The following CEP250 variants were observed in gnomAD, a reference collection of about 807,000 sequenced individuals.
CEP250 encodes centrosomal protein 250.
CEP250 carries 242 observed loss-of-function variants against 315.7 expected under a neutral mutation model. That is an observed-to-expected ratio of 0.77 (90% confidence interval 0.69 to 0.85). The LOEUF is 0.85. Among genes scored for constraint, CEP250 ranks in the 40% least tolerant of loss-of-function variants. The pLI is 0.00. For synonymous variants in CEP250, 1,088 were observed against 1,175.0 expected (o/e 0.93, Z 1.51); for missense variants, 2,515 against 2,886.4 (o/e 0.87, Z 2.95).
In CEP250 at chr20:35,475,632, G is replaced by T; in HGVS notation, c.1702G>T (p.Ala568Ser). 6.2e-7 allele frequency: 1 copy of T among 1,613,706 alleles called. No homozygotes were observed. The highest frequency in any genetic ancestry group is 8.5e-7 in the Non-Finnish European group (1 of 1,179,978). Residue 568 changes from alanine to serine, a missense_variant, in exon 15 of 35, where the codon GCA (alanine) becomes TCA (serine). By Grantham distance (99) the Ala-to-Ser change is moderately conservative. Coordinates refer to ENST00000397527, the MANE Select transcript of CEP250 (RefSeq NM_007186.6). ...LLRQEQTEVT[A>S]ALARAEQSIA... ...GAGGCAAGAGCAAACGGAAGTGACC[G>T]CAGCGCTGGCTAGGGTGCGTGGCCT...
chr20:35,462,003 A>C (rs1352455262), intron 3 of CEP250, among the ~76,000 whole-genome samples: 2 of 152,218 alleles, frequency 1.3e-5, no homozygotes, highest in African/African-American at 4.8e-5. Context: ...TTCATTCAAC[A>C]AATGTTTCTG....
chr20:35,474,856 G>C (rs1222813717), intron 14 of CEP250: 2 of 470,986 alleles, frequency 4.2e-6, no homozygotes, highest in Non-Finnish European at 8.8e-6. Context: ...GCATATGGTA[G>C]GTCTTTAATA....
chr20:35,485,245 C>A (rs1415870380), intron 20 of CEP250, among the ~76,000 whole-genome samples: 3 of 151,786 alleles, frequency 2.0e-5, no homozygotes, highest in African/African-American at 7.3e-5. Flanking sequence ...TGTGGTGGCA[C>A]ATGCCTGTAG....
chr20:35,499,550 C>G (rs1030072753), intron 27 of CEP250, among the ~76,000 whole-genome samples: 8 of 152,190 alleles, frequency 5.3e-5, no homozygotes, highest in African/African-American at 1.9e-4. Context: ...GGAGAAAGAC[C>G]TGGTCTCTGC....
In CEP250 at chr20:35,518,071, T is replaced by C. The variant is rs1555859472; in HGVS notation, c.*6445T>C. The C allele has an allele frequency of 1.4e-5, 2 of 147,152 alleles. No homozygotes were observed. The highest frequency in any genetic ancestry group is 2.5e-5 in the African/African-American group (1 of 40,064). 9.1% of individuals were successfully genotyped at this position (147,152 alleles called of 1,614,324 possible). On this transcript the variant is annotated 3_prime_UTR_variant, in exon 35 of 35. Coordinates refer to ENST00000397527, the MANE Select transcript of CEP250 (RefSeq NM_007186.6). ...AAAAAAAAAAAAAAAGGAAATTAAA[T>C]AAAAAGAAGATAGCAGTTTCCCACC...
intron 20 of CEP250, among the ~76,000 whole-genome samples, chr20:35,485,352 C>T (rs4911505): frequency 2.7e-5 from 4 of 147,000 alleles, no homozygotes; most frequent in East Asian, 2.0e-4. Context: ...CCAGCCTGGG[C>T]GACAGAGTGA....
intron 16 of CEP250, 38 bp from the exon 17 acceptor site, chr20:35,477,833 C>CT: frequency 6.7e-7 from 1 of 1,497,428 alleles, no homozygotes; most frequent in African/African-American, 1.4e-5. Context: ...AACCATTTGT[C>CT]TTTGATGCTT....
intron 27 of CEP250, among the ~76,000 whole-genome samples, chr20:35,499,331 C>T (rs781018595): frequency 1.1e-4 from 16 of 152,132 alleles, no homozygotes; most frequent in Non-Finnish European, 2.4e-4. Context: ...CATCATCTTC[C>T]ACTCAGCTAT....
intron 10 of CEP250, among the ~76,000 whole-genome samples, chr20:35,471,489 A>T (rs938773844): frequency 6.6e-6 from 1 of 152,226 alleles, no homozygotes; most frequent in Non-Finnish European, 1.5e-5. Flanking sequence ...AATAAAACAT[A>T]GTTGCAAGTC....
intron 30 of CEP250, 87 bp from the exon 31 acceptor site, chr20:35,507,651 C>A: frequency 1.0e-6 from 1 of 999,596 alleles, no homozygotes; most frequent in Non-Finnish European, 1.5e-6. Flanking sequence ...CTGAGGAGAA[C>A]ATTGAACCGC....
chr20:35,477,347 G>A (rs1222626566), intron 16 of CEP250, among the ~76,000 whole-genome samples: 1 of 151,854 alleles, frequency 6.6e-6, no homozygotes, highest in African/African-American at 2.4e-5. Flanking sequence ...TAGAGATGGG[G>A]TTTCACCATG....
At chr20:35,501,191 G>A (rs186649454) in intron 28 of CEP250, among the ~76,000 whole-genome samples, 1 of 152,238 alleles carries the variant, frequency 6.6e-6, no homozygotes, top group Non-Finnish European at 1.5e-5. Context: ...AGAAGAGTTA[G>A]CCGGGTGTGG....
At chr20:35,487,686 A>C (rs2063556310) in intron 20 of CEP250, among the ~76,000 whole-genome samples, 1 of 151,940 alleles carries the variant, frequency 6.6e-6, no homozygotes, top group East Asian at 1.9e-4. Context: ...TGTAATTCCA[A>C]CAATTTGGGA....
chr20:35,486,265 A>G (rs1011123126), intron 20 of CEP250, among the ~76,000 whole-genome samples: 2 of 151,778 alleles, frequency 1.3e-5, no homozygotes, highest in African/African-American at 2.4e-5. Context: ...AGGTCTTGCT[A>G]TTGCCCAGGC....
intron 20 of CEP250, among the ~76,000 whole-genome samples, chr20:35,486,511 G>A (rs1486420987): frequency 6.6e-6 from 1 of 151,960 alleles, no homozygotes; most frequent in Non-Finnish European, 1.5e-5. Flanking sequence ...CCAAACTGCT[G>A]GGATTATAGG....
rs1399771016 is a variant in CEP250 at position 35,469,963 on chromosome 20, C to T, written c.925C>T (p.Leu309=). 2 of 1,613,412 alleles carry T rather than the reference C, an allele frequency of 1.2e-6. No individual in the cohort carries two copies. Among genetic ancestry groups the T allele is most frequent in the South Asian group, 1.1e-5 (1 of 91,066 alleles). Residue 309 remains leucine (L), a synonymous_variant, in exon 10 of 35, where the codon CTG becomes TTG. Transcript: ENST00000397527. The stretch of plus-strand genomic sequence containing the variant: ...AGATTATGAAAAGATGATAAAGGCT[C>T]TGAGAGAGACAGTGGAGATCCTGGT... ...NEDYEKMIKA[L]RETVEILETN...
rs17092656 is a variant in CEP250, at chr20:35,468,345, C to T, written c.851+790C>T. Among the ~76,000 whole-genome samples the T allele has an allele frequency of 9.1e-3, 1,386 of 152,288 alleles. 91 individuals carry two copies. Among genetic ancestry groups the T allele is most frequent in the Admixed American group, 0.081 (1,234 of 15,298 alleles). The stretch of plus-strand genomic sequence containing the variant: ...TTTGACCTCTTATTACAGCATTGAT[C>T]TCACTGATGATTTAGTTTCCCCTAC... On this transcript the variant is annotated intron_variant, in intron 9 of 34. Transcript: ENST00000397527.
In CEP250 at chr20:35,511,998, T is replaced by A; in HGVS notation, c.*372T>A. 9.6e-7 allele frequency: 1 copy of A among 1,045,874 alleles called. No individual in the cohort carries two copies. Among genetic ancestry groups the A allele is most frequent in the Non-Finnish European group, 1.2e-6 (1 of 868,792 alleles). 64.8% of individuals were successfully genotyped at this position (1,045,874 alleles called of 1,614,324 possible). A position where few individuals can be genotyped will look rare whatever the true frequency, so the allele number is the denominator to read the frequency against. The stretch of plus-strand genomic sequence containing the variant: ...CATTTTCTGCTGCTGTCTCCACTTG[T>A]GCAGCTGGGTGGCAGCACCACATCA... On this transcript the variant is annotated 3_prime_UTR_variant, in exon 35 of 35. Transcript: ENST00000397527.
In CEP250 at chr20:35,515,022, C is replaced by T. The variant is rs1390564555; in HGVS notation, c.*3396C>T. On this transcript the variant is annotated 3_prime_UTR_variant, in exon 35 of 35. Transcript: ENST00000397527. ...TGCTTCCCACCCTCACCCTTCTGCC[C>T]CCACCTGAGCACAGTGTGGTGCTCA... 2 of 152,250 alleles carry T rather than the reference C, an allele frequency of 1.3e-5. No homozygotes were observed. Among genetic ancestry groups the T allele is most frequent in the African/African-American group, 4.8e-5 (2 of 41,432 alleles). 9.4% of individuals were successfully genotyped at this position (152,250 alleles called of 1,614,324 possible). A position where few individuals can be genotyped will look rare whatever the true frequency, so the allele number is the denominator to read the frequency against.
Sources: allele counts gnomAD v4.1 joint callset (sites outside exome capture counted in the v4.1 genomes callset), GRCh38; gene constraint gnomAD v4.1.1; transcripts MANE v1.5; gene names NCBI Gene and HGNC (gene_info 2026-07-23, HGNC 2026-07-21).